Variants in ZDHHC14 observed in about 807,000 individuals in gnomAD.
The protein encoded by ZDHHC14 is palmitoyltransferase ZDHHC14.
ZDHHC14 carries 16 observed loss-of-function variants against 47.7 expected under a neutral mutation model. The ratio of observed to expected loss-of-function variants is 0.34; its 90% CI spans 0.23 to 0.51. The LOEUF is 0.51. Ranked by LOEUF, ZDHHC14 falls within the 20% of genes least tolerant of loss-of-function variation. The pLI, the probability that ZDHHC14 is intolerant of heterozygous loss-of-function variation, is 0.97. For missense variants in ZDHHC14, 515 were observed against 662.5 expected, an observed-to-expected ratio of 0.78 and a Z score of 2.44; for synonymous variants, 293 against 278.9, an observed-to-expected ratio of 1.05 and a Z score of -0.50.
intron 1 of ZDHHC14, among the ~76,000 whole-genome samples, chr6:157,517,398 C>T (rs140017599): frequency 0.028 from 4,292 of 151,714 alleles, 181 homozygotes; most frequent in African/African-American, 0.098. Flanking sequence ...ATAACCTCCG[C>T]CTCCCGGGTT....
At chr6:157,591,946 T>C (rs1582988384) in intron 2 of ZDHHC14, among the ~76,000 whole-genome samples, 1 of 152,146 alleles carries the variant, frequency 6.6e-6, no homozygotes, top group East Asian at 1.9e-4. Context: ...CAGCTGAAGC[T>C]CTCATGGAAG....
chr6:157,629,438 C>A (rs1044052292), intron 4 of ZDHHC14: 1 of 150,748 alleles, frequency 6.6e-6, no homozygotes, highest in Non-Finnish European at 1.5e-5. Flanking sequence ...TCCCAGGCCG[C>A]GGTGCTCAAA....
chr6:157,546,135 C>T (rs1252779684), intron 2 of ZDHHC14, among the ~76,000 whole-genome samples: 1 of 152,216 alleles, frequency 6.6e-6, no homozygotes, highest in Non-Finnish European at 1.5e-5. Flanking sequence ...TGTACCTCCT[C>T]CAGGCTGAGG....
At position 157,586,274 on chromosome 6, in the gene ZDHHC14, G is replaced by A. The variant is rs1185932534; in HGVS notation, c.407-6714G>A. ...GCAGGCGCAGTGAGAGCCCAAAGGA[G>A]GAAACAAGTAACTCTGCTTGCAAAG... On this transcript the variant is annotated intron_variant, in intron 2 of 8. Coordinates refer to ENST00000359775, the MANE Select transcript of ZDHHC14 (RefSeq NM_024630.3). The surrounding 1 kb of genome is among the most constrained non-coding windows in gnomAD (Gnocchi z 4.6). Among the ~76,000 whole-genome samples the A allele has an allele frequency of 2.6e-5, 4 of 152,138 alleles. No individual in the cohort carries two copies. Among genetic ancestry groups the A allele is most frequent in the Admixed American group, 2.0e-4 (3 of 15,274 alleles).
intron 3 of ZDHHC14, among the ~76,000 whole-genome samples, chr6:157,621,958 C>T (rs1471312862): frequency 1.3e-5 from 2 of 152,270 alleles, no homozygotes; most frequent in East Asian, 3.9e-4. Flanking sequence ...ACCTTTCTGA[C>T]TGATTTCCTC....
At chr6:157,386,720 C>T (rs1322006429) in intron 1 of ZDHHC14, among the ~76,000 whole-genome samples, 1 of 152,188 alleles carries the variant, frequency 6.6e-6, no homozygotes, top group African/African-American at 2.4e-5. Context: ...ACAGCTCACC[C>T]TCTTTGCAGC....
chr6:157,635,635 G>GAGAGCACACGT (rs1776934149), intron 5 of ZDHHC14, among the ~76,000 whole-genome samples: 1 of 152,138 alleles, frequency 6.6e-6, no homozygotes, highest in Non-Finnish European at 1.5e-5. Flanking sequence ...AACCTTCTTT[G>GAGAGCACACGT]AGAGCACACG....
At chr6:157,662,562 A>C (rs1214905383) in intron 8 of ZDHHC14, among the ~76,000 whole-genome samples, 3 of 152,282 alleles carry the variant, frequency 2.0e-5, no homozygotes, top group Non-Finnish European at 4.4e-5. Flanking sequence ...GCTCATAACA[A>C]ATATTAATTT....
rs187804564 is a variant in ZDHHC14 at position 157,441,519 on chromosome 6, G to A, written c.245+59253G>A. 4.6e-5 allele frequency among the ~76,000 whole-genome samples: 7 copies of A among 152,194 alleles called. No homozygotes were observed. In the East Asian group the frequency reaches 1.2e-3, roughly 25 times the overall value. On this transcript the variant is annotated intron_variant, in intron 1 of 8. Coordinates refer to ENST00000359775, the MANE Select transcript of ZDHHC14 (RefSeq NM_024630.3). ...TGTGCAAATCTAGACACAGCTTCTTGAACAAAAAAGAAACGGATGAAAGAA... is the reference window on the plus strand; with the variant it reads ...TGTGCAAATCTAGACACAGCTTCTTAAACAAAAAAGAAACGGATGAAAGAA...
chr6:157,493,370 C>T (rs1027510393), intron 1 of ZDHHC14, among the ~76,000 whole-genome samples: 3 of 152,172 alleles, frequency 2.0e-5, no homozygotes, highest in Admixed American at 1.3e-4. Context: ...GGGCTCCAGG[C>T]GGAGAGGGGA....
chr6:157,510,007 G>A (rs1780423725), intron 1 of ZDHHC14, among the ~76,000 whole-genome samples: 1 of 152,230 alleles, frequency 6.6e-6, no homozygotes, highest in Admixed American at 6.5e-5. Flanking sequence ...CACTTTGGGA[G>A]GCTAAGGCGG....
rs182596596 is a variant in ZDHHC14 at position 157,437,134 on chromosome 6, A to G, written c.245+54868A>G. The stretch of plus-strand genomic sequence containing the variant: ...CAGTGCAGCACAGGCCTTTCCCAGG[A>G]TTGGCCGGCCACACATGGGCTGGAG... On this transcript the variant is annotated intron_variant, in intron 1 of 8. Coordinates refer to ENST00000359775, the MANE Select transcript of ZDHHC14 (RefSeq NM_024630.3). 7.0e-3 allele frequency among the ~76,000 whole-genome samples: 1,064 copies of G among 152,256 alleles called. 12 individuals are homozygous for G. The highest frequency in any genetic ancestry group is 0.023 in the African/African-American group (968 of 41,548).
chr6:157,398,179 A>C (rs1777562061), intron 1 of ZDHHC14, among the ~76,000 whole-genome samples: 1 of 152,076 alleles, frequency 6.6e-6, no homozygotes, highest in Non-Finnish European at 1.5e-5. Flanking sequence ...GTATGGAAAC[A>C]GGGACGTGTG....
chr6:157,552,702 G>C (rs1272313115), intron 2 of ZDHHC14, among the ~76,000 whole-genome samples: 1 of 152,118 alleles, frequency 6.6e-6, no homozygotes, highest in African/African-American at 2.4e-5. Context: ...GCCCAGGAGG[G>C]GACTTAGAGA....
At chr6:157,622,090 G>T (rs576206517) in intron 3 of ZDHHC14, among the ~76,000 whole-genome samples, 1 of 151,944 alleles carries the variant, frequency 6.6e-6, no homozygotes, top group Admixed American at 6.6e-5. Flanking sequence ...TATTCTTTTC[G>T]GCTGGGCATG....
Position 157,632,856 on chromosome 6 carries a change from A to G in ZDHHC14, c.726A>G (p.Leu242=), listed in dbSNP as rs1249530829. ...VILRSQQTGF[L]NALKDSPASV... Reference sequence around the variant, plus strand: ...CAGGTTCACAGCAAACAGGATTCCTAAATGCCCTTAAGGACAGTCCTGCAA... The same window carrying G: ...CAGGTTCACAGCAAACAGGATTCCTGAATGCCCTTAAGGACAGTCCTGCAA... Residue 242 remains leucine, a synonymous_variant, in exon 5 of 9, where the codon CTA becomes CTG. Coordinates refer to ENST00000359775, the MANE Select transcript of ZDHHC14 (RefSeq NM_024630.3). 6.2e-7 allele frequency: 1 copy of G among 1,614,204 alleles called. No individual in the cohort carries two copies. Among genetic ancestry groups the G allele is most frequent in the South Asian group, 1.1e-5 (1 of 91,084 alleles).
At chr6:157,407,434 G>T (rs1260486447) in intron 1 of ZDHHC14, among the ~76,000 whole-genome samples, 2 of 152,104 alleles carry the variant, frequency 1.3e-5, no homozygotes, top group Non-Finnish European at 2.9e-5. Flanking sequence ...CTTAAATTTT[G>T]CTTTCCTGTT....
At position 157,593,115 on chromosome 6, in the gene ZDHHC14, C is replaced by T. The variant is rs141376335; in HGVS notation, c.534C>T (p.Ala178=). The stretch of plus-strand genomic sequence containing the variant: ...GCAAGATTTTCCGGCCCCCTCGCGC[C>T]TCCCATTGCAGCCTTTGTGATAACT... ...FTCKIFRPPR[A]SHCSLCDNCV... is the part of the protein sequence containing the mutation. Residue 178 remains alanine, a synonymous_variant, in exon 3 of 9, where the codon GCC becomes GCT. Transcript: ENST00000359775. The T allele has an allele frequency of 9.0e-5, 146 of 1,613,928 alleles. No homozygotes were observed. The African/African-American group carries it at 1.6e-3, about 18-fold the overall frequency.
intron 1 of ZDHHC14, among the ~76,000 whole-genome samples, chr6:157,473,880 A>T (rs1212480628): frequency 6.6e-6 from 1 of 151,940 alleles, no homozygotes; most frequent in East Asian, 1.9e-4. Flanking sequence ...AAGATGCCTC[A>T]TTATCTATAT....
Sources: gnomAD v4.1 joint callset for allele counts (sites outside exome capture counted in the v4.1 genomes callset) on GRCh38, gnomAD v4.1.1 for gene constraint, Gnocchi (gnomAD v3.1) non-coding constraint, MANE v1.5 for transcripts, NCBI Gene and HGNC (gene_info 2026-07-23, HGNC 2026-07-21) for gene names.